NUP214: variants seen among roughly 807,000 people sequenced by gnomAD.
NUP214 encodes the protein nucleoporin 214.
In NUP214, 79 loss-of-function variants were observed where a neutral mutation model predicts 196.2. The ratio of observed to expected loss-of-function variants is 0.40; its 90% CI spans 0.34 to 0.49. NUP214 has a LOEUF of 0.49. Among genes scored for constraint, NUP214 ranks in the 20% least tolerant of loss-of-function variants. The pLI is 0.58. For synonymous variants in NUP214, 1,020 were observed against 990.5 expected (o/e 1.03, Z -0.56); for missense variants, 2,468 against 2,539.0 (o/e 0.97, Z 0.60).
chr9:131,193,086 A>AAAT (rs566646970), intron 27 of NUP214, among the ~76,000 whole-genome samples: 3 of 152,062 alleles, frequency 2.0e-5, no homozygotes, highest in Non-Finnish European at 4.4e-5. Flanking sequence ...TTTCTTTAAA[A>AAAT]AATAATAATA....
intron 31 of NUP214, among the ~76,000 whole-genome samples, chr9:131,219,247 GCTA>G (rs1371990267): frequency 1.3e-5 from 2 of 152,250 alleles, no homozygotes; most frequent in Non-Finnish European, 2.9e-5. Flanking sequence ...AAGTTGCACA[GCTA>G]CTAAGTGGCG....
intron 27 of NUP214, 60 bp from the exon 28 acceptor site, chr9:131,195,173 A>G: frequency 2.6e-6 from 3 of 1,166,140 alleles, no homozygotes; most frequent in South Asian, 1.3e-5. Flanking sequence ...ATGGAATATT[A>G]AGAGGGCAAT....
chr9:131,165,185 G>A (rs995209816), intron 21 of NUP214: 2 of 152,114 alleles, frequency 1.3e-5, no homozygotes, highest in Non-Finnish European at 2.9e-5. Flanking sequence ...AGCTCTTCAG[G>A]TGGCTGAGGC....
At chr9:131,181,042 A>G (rs759761582) in intron 24 of NUP214, among the ~76,000 whole-genome samples, 17 of 152,200 alleles carry the variant, frequency 1.1e-4, no homozygotes, top group Non-Finnish European at 2.4e-4. Context: ...GTGATGGAGA[A>G]AATTAAAGCG....
At chr9:131,150,227 CTG>C (rs1193610919) in intron 14 of NUP214, 95 bp from the exon 15 acceptor site, 2 of 941,640 alleles carry the variant, frequency 2.1e-6, no homozygotes, top group East Asian at 2.5e-5. Flanking sequence ...GAAATAATGA[CTG>C]TGTTACAGGA....
At chr9:131,145,321 G>C (rs563808439) in intron 12 of NUP214, among the ~76,000 whole-genome samples, 33 of 152,134 alleles carry the variant, frequency 2.2e-4, no homozygotes, top group African/African-American at 7.7e-4. Flanking sequence ...TCTTTATCTT[G>C]TTCTTTTCTT....
chr9:131,230,976 C>T (rs531238202), intron 34 of NUP214, among the ~76,000 whole-genome samples: 1 of 152,202 alleles, frequency 6.6e-6, no homozygotes, highest in South Asian at 2.1e-4. Flanking sequence ...GCCTGGGCAA[C>T]ATGGCAAGAC....
rs1202987409 is a variant in NUP214 at position 131,215,152 on chromosome 9, G to C, written c.5593-60G>C. 2.8e-6 allele frequency: 4 copies of C among 1,405,348 alleles called. No homozygotes were observed. In the East Asian group the frequency reaches 1.1e-4, roughly 38 times the overall value. 87.1% of individuals were successfully genotyped at this position (1,405,348 alleles called of 1,614,324 possible). A position where few individuals can be genotyped will look rare whatever the true frequency, so the allele number is the denominator to read the frequency against. On this transcript the variant is annotated intron_variant, in intron 30 of 35. Coordinates refer to ENST00000359428, the MANE Select transcript of NUP214 (RefSeq NM_005085.4). ...TGAGCACCTCCTGCCCACGGATGCAGCCTGCCATTTCACGATGACCTCTCA... is the reference window on the plus strand; with the variant it reads ...TGAGCACCTCCTGCCCACGGATGCACCCTGCCATTTCACGATGACCTCTCA...
At chr9:131,223,293 A>G (rs907278913) in intron 32 of NUP214, among the ~76,000 whole-genome samples, 2 of 152,060 alleles carry the variant, frequency 1.3e-5, no homozygotes, top group Admixed American at 6.6e-5. Context: ...CAGCCTCCCA[A>G]GTAGCTGGGA....
At chr9:131,222,221 ACTG>A (rs1834581139) in intron 31 of NUP214, among the ~76,000 whole-genome samples, 3 of 152,128 alleles carry the variant, frequency 2.0e-5, no homozygotes, top group Non-Finnish European at 4.4e-5. Context: ...TTCTCATTTC[ACTG>A]CCATTCTCTG....
Position 131,127,504 on chromosome 9 carries a change from G to A in NUP214, c.46-20G>A, listed in dbSNP as rs186481906. 2.5e-5 allele frequency: 39 copies of A among 1,582,444 alleles called. No homozygotes were observed. In the East Asian group the frequency reaches 4.3e-4, roughly 17 times the overall value. On this transcript the variant is annotated intron_variant, in intron 1 of 35. Coordinates refer to ENST00000359428, the MANE Select transcript of NUP214 (RefSeq NM_005085.4). Reference sequence around the variant, plus strand: ...TTTCTTTCTTTATTGAATTGATCTCGTTTTGATTCTTCACAACAGGATTTT... The same window carrying A: ...TTTCTTTCTTTATTGAATTGATCTCATTTTGATTCTTCACAACAGGATTTT...
At chr9:131,179,002 T>C (rs1833193765) in intron 24 of NUP214, among the ~76,000 whole-genome samples, 1 of 152,060 alleles carries the variant, frequency 6.6e-6, no homozygotes, top group Non-Finnish European at 1.5e-5. Context: ...TTTTTGTTTT[T>C]TGTTTTTTCT....
At position 131,230,681 on chromosome 9, in the gene NUP214, T is replaced by G. The variant is rs778754134; in HGVS notation, c.6126T>G (p.Asn2042Lys). The change falls in exon 34 of 36, where the codon AAT (asparagine) becomes AAG (lysine). Residue 2042 changes from asparagine to lysine, a missense_variant. By Grantham distance (94) the Asn-to-Lys change is moderately conservative. Around this residue, in one of 5 missense-constraint regions of NUP214, gnomAD observed 262 missense variants for 296.5 expected, o/e 0.88. Transcript: ENST00000359428. ...CCTTCGGCACGCTCGCGAGTCAGAATGCCCCCACTTTCGGATCACTGTCCC... is the reference window on the plus strand; with the variant it reads ...CCTTCGGCACGCTCGCGAGTCAGAAGGCCCCCACTTTCGGATCACTGTCCC... The part of the protein sequence containing the change: ...TTSFGTLASQ[N>K]APTFGSLSQQ... 1 of 1,614,038 alleles carries G rather than the reference T, an allele frequency of 6.2e-7. No homozygotes were observed. Among genetic ancestry groups the G allele is most frequent in the Non-Finnish European group, 8.5e-7 (1 of 1,180,020 alleles).
intron 32 of NUP214, among the ~76,000 whole-genome samples, chr9:131,223,616 G>A (rs1834624938): frequency 6.6e-6 from 1 of 150,682 alleles, no homozygotes; most frequent in Non-Finnish European, 1.5e-5. Flanking sequence ...GATTTGTTGG[G>A]GTTCCCATTA....
chr9:131,201,578 A>G (rs962139327), intron 29 of NUP214, 69 bp from the exon 30 acceptor site: 19 of 1,325,618 alleles, frequency 1.4e-5, no homozygotes, highest in Non-Finnish European at 2.0e-5. Context: ...AAAAAAAACA[A>G]CAAAACTTTA....
Position 131,125,958 on chromosome 9 carries a change from CTGT to C in NUP214, c.45+212_45+214del. On this transcript the variant is annotated intron_variant, in intron 1 of 35. Coordinates refer to ENST00000359428, the MANE Select transcript of NUP214 (RefSeq NM_005085.4). This position sits in a 1 kb window ranked among gnomAD's most constrained non-coding sequence, Gnocchi z 4.1. ...AGTCCCATCCTGGTCTCGTGCACGG[CTGT>C]TGAGTTACCCTAGCTACTTCCTGGG... 3 of 614,456 alleles carry C rather than the reference CTGT, an allele frequency of 4.9e-6. No homozygotes were observed. In the Admixed American group the frequency reaches 9.6e-5, roughly 20 times the overall value. 38.1% of individuals were successfully genotyped at this position (614,456 alleles called of 1,614,324 possible).
At chr9:131,192,404 T>A in intron 27 of NUP214, 112 bp downstream of exon 27, 1 of 621,776 alleles carries the variant, frequency 1.6e-6, no homozygotes, top group Non-Finnish European at 2.7e-6. Context: ...CCAGAGTTCT[T>A]ACCGTGGCAG....
chr9:131,189,277 C>T (rs1472361114), intron 26 of NUP214, 146 bp downstream of exon 26: 1 of 653,874 alleles, frequency 1.5e-6, no homozygotes, highest in East Asian at 2.6e-5. Flanking sequence ...TGACCATAGA[C>T]AAGAGATCAT....
At chr9:131,126,258 A>T (rs1831345744) in intron 1 of NUP214, 1 of 159,914 alleles carries the variant, frequency 6.3e-6, no homozygotes, top group Admixed American at 6.5e-5. Context: ...CCTTTAGTTG[A>T]TTGGACTAGG....
Sources: allele counts gnomAD v4.1 joint callset (sites outside exome capture counted in the v4.1 genomes callset), GRCh38; gene constraint gnomAD v4.1.1; regional missense constraint gnomAD v4.1.1; non-coding constraint Gnocchi (gnomAD v3.1); transcripts MANE v1.5; gene names NCBI Gene and HGNC (gene_info 2026-07-23, HGNC 2026-07-21).